Variants in RPTOR observed in about 807,000 individuals in gnomAD.
RPTOR encodes the protein regulatory-associated protein of mTOR.
In RPTOR, 21 loss-of-function variants were observed where a neutral mutation model predicts 169.9. The ratio of observed to expected loss-of-function variants is 0.12; its 90% CI spans 0.09 to 0.18. The LOEUF is 0.18. Ranked by LOEUF, RPTOR falls within the 10% of genes least tolerant of loss-of-function variation. The pLI, the probability that RPTOR is intolerant of heterozygous loss-of-function variation, is 1.00. For synonymous variants in RPTOR, 732 were observed against 753.2 expected (o/e 0.97, Z 0.46); for missense variants, 1,133 against 1,855.9 (o/e 0.61, Z 7.16).
At chr17:80,745,485 G>C (rs1054901232) in intron 5 of RPTOR, among the ~76,000 whole-genome samples, 2 of 150,918 alleles carry the variant, frequency 1.3e-5, no homozygotes, top group African/African-American at 4.9e-5. Context: ...TCTAATATTT[G>C]ATATACATAA....
chr17:80,766,389 A>T (rs982572437), intron 6 of RPTOR, among the ~76,000 whole-genome samples: 3 of 152,052 alleles, frequency 2.0e-5, no homozygotes, highest in Non-Finnish European at 4.4e-5. Flanking sequence ...TCTCCCTTTT[A>T]CTTAGATGGG....
chr17:80,679,850 C>G (rs2065885259), intron 3 of RPTOR, among the ~76,000 whole-genome samples: 1 of 152,222 alleles, frequency 6.6e-6, no homozygotes, highest in Admixed American at 6.5e-5. Flanking sequence ...CCAATTCTTC[C>G]AGCATCTCAA....
intron 15 of RPTOR, 21 bp from the exon 16 acceptor site, chr17:80,883,756 CCTGT>C (rs2068211476): frequency 6.2e-7 from 1 of 1,611,560 alleles, no homozygotes; most frequent in African/African-American, 1.3e-5. Flanking sequence ...CAGAGGCCAA[CCTGT>C]CTGTGGTCCC....
chr17:80,965,354 G>A lies in RPTOR; in HGVS notation c.*1024G>A, dbSNP rs773838838. On this transcript the variant is annotated 3_prime_UTR_variant, in exon 34 of 34. Coordinates refer to ENST00000306801, the MANE Select transcript of RPTOR (RefSeq NM_020761.3). ...GCACTGCCGGGTCCCGGACGGCTCC[G>A]GGTGACACCAGCCCCGTCTCCAGCC... 8 of 233,230 alleles carry A rather than the reference G, an allele frequency of 3.4e-5. No homozygotes were observed. Among genetic ancestry groups the A allele is most frequent in the Middle Eastern group, 1.2e-3 (1 of 808 alleles). 14.4% of individuals were successfully genotyped at this position (233,230 alleles called of 1,614,324 possible).
At chr17:80,914,667 A>C (rs1328914951) in intron 21 of RPTOR, among the ~76,000 whole-genome samples, 2 of 150,664 alleles carry the variant, frequency 1.3e-5, no homozygotes, top group African/African-American at 4.9e-5. Context: ...CAGTGCTCAC[A>C]TGCCAACCAC....
intron 20 of RPTOR, among the ~76,000 whole-genome samples, chr17:80,898,574 T>G (rs545753801): frequency 6.6e-6 from 1 of 152,172 alleles, no homozygotes; most frequent in African/African-American, 2.4e-5. Flanking sequence ...AACAGCTCAT[T>G]AACTTTGAGT....
intron 1 of RPTOR, among the ~76,000 whole-genome samples, chr17:80,569,343 T>C (rs991767371): frequency 6.6e-6 from 1 of 152,174 alleles, no homozygotes; most frequent in African/African-American, 2.4e-5. Flanking sequence ...TGCCTTCTTA[T>C]AGGGCTTGTT....
At chr17:80,775,694 A>G (rs886381478) in intron 6 of RPTOR, among the ~76,000 whole-genome samples, 3 of 152,222 alleles carry the variant, frequency 2.0e-5, no homozygotes, top group Non-Finnish European at 2.9e-5. Context: ...CCATCATTGT[A>G]AGAACCCCAG....
chr17:80,599,256 G>A (rs113275243), intron 1 of RPTOR, among the ~76,000 whole-genome samples: 164 of 152,260 alleles, frequency 1.1e-3, no homozygotes, highest in African/African-American at 3.5e-3. Context: ...CTGTGAAGGT[G>A]AGCCACCATG....
chr17:80,643,741 G>T lies in RPTOR; in HGVS notation c.279G>T (p.Met93Ile), dbSNP rs2065571303. Residue 93 changes from methionine to isoleucine, a missense_variant, in exon 3 of 34, where the codon ATG becomes ATT. Coordinates refer to ENST00000306801, the MANE Select transcript of RPTOR (RefSeq NM_020761.3). ...TTGCTTCCTCAGATCCTCTGTCGAT[G>T]GGTCCTCAGAAAGCTCTGGAAACCA... is the stretch of plus-strand genomic sequence containing the variant. The part of the protein sequence containing the change: ...RLECWIDPLS[M>I]GPQKALETIG... 1.2e-6 allele frequency: 2 copies of T among 1,613,056 alleles called. No individual in the cohort carries two copies. The highest frequency in any genetic ancestry group is 1.3e-5 in the African/African-American group (1 of 74,880).
intron 33 of RPTOR, 43 bp downstream of exon 33, chr17:80,963,100 G>A (rs1204034228): frequency 1.0e-5 from 4 of 397,220 alleles, no homozygotes; most frequent in Non-Finnish European, 1.0e-5. Flanking sequence ...GGGGGCTGGG[G>A]TAGAGGGATG....
At chr17:80,751,359 G>T (rs1181225497) in intron 5 of RPTOR, among the ~76,000 whole-genome samples, 4 of 152,204 alleles carry the variant, frequency 2.6e-5, no homozygotes, top group African/African-American at 4.8e-5. Flanking sequence ...TGGCCCAGCT[G>T]CAGGGCAGTC....
At chr17:80,903,499 C>T (rs1296178920) in intron 20 of RPTOR, among the ~76,000 whole-genome samples, 1 of 152,250 alleles carries the variant, frequency 6.6e-6, no homozygotes, top group Non-Finnish European at 1.5e-5. Context: ...TGCACTGCGG[C>T]ATCATTGGTG....
chr17:80,759,241 C>A (rs1009580668), intron 6 of RPTOR, among the ~76,000 whole-genome samples: 2 of 152,084 alleles, frequency 1.3e-5, no homozygotes, highest in African/African-American at 2.4e-5. Context: ...CTGCTGGCCT[C>A]GTTATTTCTA....
At chr17:80,791,914 C>G (rs935796691) in intron 7 of RPTOR, among the ~76,000 whole-genome samples, 14 of 152,166 alleles carry the variant, frequency 9.2e-5, no homozygotes, top group African/African-American at 2.7e-4. Flanking sequence ...CCCTCCCCCC[C>G]TGTCGCCATC....
At chr17:80,879,723 G>T (rs1018129917) in intron 13 of RPTOR, among the ~76,000 whole-genome samples, 1 of 152,198 alleles carries the variant, frequency 6.6e-6, no homozygotes, top group Admixed American at 6.5e-5. Context: ...GGCTGTGATT[G>T]TGCTGACAGC....
At chr17:80,770,532 G>A (rs1012056230) in intron 6 of RPTOR, among the ~76,000 whole-genome samples, 2 of 152,140 alleles carry the variant, frequency 1.3e-5, no homozygotes, top group Non-Finnish European at 2.9e-5. Flanking sequence ...TGGGCATGGC[G>A]GTGGCTGTCG....
chr17:80,683,152 C>T (rs946061351), intron 3 of RPTOR, among the ~76,000 whole-genome samples: 1 of 151,460 alleles, frequency 6.6e-6, no homozygotes, highest in Admixed American at 6.6e-5. Flanking sequence ...TGGCAGCCTC[C>T]GCACTGGCCT....
intron 6 of RPTOR, among the ~76,000 whole-genome samples, chr17:80,756,280 C>T (rs1447375071): frequency 6.6e-6 from 1 of 152,190 alleles, no homozygotes; most frequent in Admixed American, 6.5e-5. Flanking sequence ...GCAAGAAGGT[C>T]CTTGCCAGAT....
Sources: gnomAD v4.1 joint callset for allele counts (sites outside exome capture counted in the v4.1 genomes callset) on GRCh38, gnomAD v4.1.1 for gene constraint, MANE v1.5 for transcripts, NCBI Gene and HGNC (gene_info 2026-07-23, HGNC 2026-07-21) for gene names.